Variants in WNK3 observed in about 807,000 individuals in gnomAD.
WNK3 encodes WNK lysine deficient protein kinase 3, also known as serine/threonine-protein kinase WNK3.
Under a neutral mutation model 116.7 loss-of-function variants are expected in WNK3, and 18 were observed. That is an observed-to-expected ratio of 0.15 (90% CI 0.11 to 0.23). WNK3 has a LOEUF of 0.23. Ranked by LOEUF, WNK3 falls within the 10% of genes least tolerant of loss-of-function variation. WNK3 has a pLI of 1.00. For missense variants in WNK3, 993 were observed against 1,323.8 expected, an observed-to-expected ratio of 0.75 and a Z score of 3.88; for synonymous variants, 404 against 469.4, an observed-to-expected ratio of 0.86 and a Z score of 1.80.
intron 2 of WNK3, among the ~76,000 whole-genome samples, chrX:54,321,356 C>A (rs974737829): frequency 2.7e-5 from 3 of 111,712 alleles, no homozygotes; most frequent in African/African-American, 9.8e-5. Context: ...AGGTACCTAA[C>A]TGGCACAGGC....
chrX:54,311,282 A>G, exon 3 of WNK3: 2 of 1,203,813 alleles, frequency 1.7e-6, no homozygotes, highest in Non-Finnish European at 2.2e-6. Context: ...GCTTTGGTTA[A>G]CTTTCGGTCC....
chrX:54,318,472 C>G (rs2147205654), intron 2 of WNK3, among the ~76,000 whole-genome samples: 1 of 110,748 alleles, frequency 9.0e-6, no homozygotes, highest in African/African-American at 3.3e-5. Context: ...TGGTTCACAT[C>G]TGTAATCCCA....
chrX:54,253,132 G>A (rs1422450254), intron 13 of WNK3, among the ~76,000 whole-genome samples: 4 of 106,346 alleles, frequency 3.8e-5, no homozygotes, highest in African/African-American at 6.9e-5. Context: ...TACCTACATC[G>A]AAATATCTCA....
At chrX:54,282,509 T>C (rs1557162740) in intron 10 of WNK3, among the ~76,000 whole-genome samples, 1 of 111,677 alleles carries the variant, frequency 9.0e-6, no homozygotes, top group Non-Finnish European at 1.9e-5. Flanking sequence ...GAGACAATAC[T>C]ACCCAAGCAA....
exon 24 of WNK3, chrX:54,198,601 T>C: frequency 8.3e-7 from 1 of 1,210,132 alleles, no homozygotes; most frequent in Non-Finnish European, 1.1e-6. Context: ...TCCACGGATT[T>C]GGGACAGAGA....
At chrX:54,354,375 A>G (rs1557179018) in intron 1 of WNK3, among the ~76,000 whole-genome samples, 1 of 112,235 alleles carries the variant, frequency 8.9e-6, no homozygotes, top group Non-Finnish European at 1.9e-5. Flanking sequence ...TTTGGCCAAG[A>G]GACAAAATCG....
In WNK3 at chrX:54,238,479, G is replaced by A. The variant is rs186846679; in HGVS notation, c.3884-7C>T. ...CTCATCTCTTCTGTTTCCACTGCAA[G>A]TTTTGCCAAATTGTAAGTAAAAAAG... On this transcript the variant is annotated splice_region_variant and splice_polypyrimidine_tract_variant and intron_variant, in intron 18 of 23. Coordinates refer to ENST00000354646, the Ensembl canonical transcript of WNK3. 4 of 1,195,676 alleles carry A rather than the reference G, an allele frequency of 3.3e-6. No individual in the cohort carries two copies. The African/African-American group carries it at 7.1e-5, about 21-fold the overall frequency.
Position 54,198,623 on chromosome X carries a change from T to A in WNK3, c.5104A>T (p.Thr1702Ser), listed in dbSNP as rs781802718. Residue 1702 changes from threonine to serine, a missense_variant, in exon 24 of 24, where the codon ACA becomes TCA. Coordinates refer to ENST00000354646, the Ensembl canonical transcript of WNK3. ...ATTTGGGACAGAGAAGAAATCCATGTTGATGTGTAGCCCATAGTAGACGGA... is the reference window on the plus strand; with the variant it reads ...ATTTGGGACAGAGAAGAAATCCATGATGATGTGTAGCCCATAGTAGACGGA... 1.2e-5 allele frequency: 15 copies of A among 1,205,525 alleles called. No individual in the cohort carries two copies. In the South Asian group the frequency reaches 2.5e-4, roughly 20 times the overall value.
chrX:54,317,632 T>C (rs1401413507), intron 2 of WNK3, among the ~76,000 whole-genome samples: 1 of 109,351 alleles, frequency 9.1e-6, no homozygotes, highest in Non-Finnish European at 1.9e-5. Flanking sequence ...AGTTAAATTT[T>C]TTTTTTCTTT....
intron 6 of WNK3, among the ~76,000 whole-genome samples, 174 bp downstream of exon 6, chrX:54,301,597 T>C (rs1557167483): frequency 9.0e-6 from 1 of 111,479 alleles, no homozygotes; most frequent in Non-Finnish European, 1.9e-5. Context: ...CAGCACATGA[T>C]ATCCAAGTCT....
In WNK3 at chrX:54,316,375, C is replaced by T. The variant is rs970424993; in HGVS notation, c.538-5084G>A. Among the ~76,000 whole-genome samples, 4 of 109,349 alleles carry T rather than the reference C, an allele frequency of 3.7e-5. No individual in the cohort carries two copies. The East Asian group carries it at 1.2e-3, about 31-fold the overall frequency. 95.0% of individuals were successfully genotyped at this position (109,349 alleles called of 115,157 possible). ...CCAACATGTTGGAACCCCGTCTCTA[C>T]TAAAAATATAAAGAAGTAGCCAGGC... On this transcript the variant is annotated intron_variant, in intron 2 of 23. Transcript: ENST00000354646.
intron 10 of WNK3, among the ~76,000 whole-genome samples, chrX:54,270,171 T>C (rs2068363472): frequency 9.0e-6 from 1 of 110,794 alleles, no homozygotes. Context: ...AACAGCGTGA[T>C]CCCGGCTCCC....
At chrX:54,308,168 G>T in intron 4 of WNK3, 89 bp from the exon 5 acceptor site, 3 of 809,476 alleles carry the variant, frequency 3.7e-6, no homozygotes, top group Non-Finnish European at 3.4e-6. Flanking sequence ...GATTATCTGT[G>T]TTAATTTCTA....
exon 17 of WNK3, chrX:54,249,091 G>A (rs2068101477): frequency 8.3e-7 from 1 of 1,210,258 alleles, no homozygotes; most frequent in Non-Finnish European, 1.1e-6. Flanking sequence ...GGGTTGAAGG[G>A]TAGTTGGTTC....
At chrX:54,216,237 A>T (rs1274075011) in intron 22 of WNK3, among the ~76,000 whole-genome samples, 1 of 107,688 alleles carries the variant, frequency 9.3e-6, no homozygotes, top group African/African-American at 3.4e-5. Context: ...TTGTCCTATG[A>T]CCCTGCCAAA....
chrX:54,201,267 AATTAT>A (rs1184129580), intron 23 of WNK3, among the ~76,000 whole-genome samples: 4 of 111,783 alleles, frequency 3.6e-5, no homozygotes, highest in Non-Finnish European at 7.5e-5. Flanking sequence ...ATTTTGCATA[AATTAT>A]ATTATACTAT....
Position 54,233,700 on chromosome X carries a change from C to T in WNK3, c.4629-680G>A, listed in dbSNP as rs188776727. On this transcript the variant is annotated intron_variant, in intron 20 of 23. Transcript: ENST00000354646. ...AATAATATTAACATTTTTTGCCAGACGCAGTGGCTCATGCCTGTAATCCCA... is the reference window on the plus strand; with the variant it reads ...AATAATATTAACATTTTTTGCCAGATGCAGTGGCTCATGCCTGTAATCCCA... 2.8e-3 allele frequency among the ~76,000 whole-genome samples: 303 copies of T among 109,107 alleles called. 2 individuals carry two copies. Among genetic ancestry groups the T allele is most frequent in the African/African-American group, 9.7e-3 (292 of 29,950 alleles). 94.7% of individuals were successfully genotyped at this position (109,107 alleles called of 115,157 possible). A position where few individuals can be genotyped will look rare whatever the true frequency, so the allele number is the denominator to read the frequency against.
At chrX:54,343,690 C>G (rs1462794155) in intron 1 of WNK3, 1 of 109,924 alleles carries the variant, frequency 9.1e-6, no homozygotes, top group African/African-American at 3.3e-5. Context: ...GAGACAGGGT[C>G]TCACTCTGTC....
intron 10 of WNK3, among the ~76,000 whole-genome samples, chrX:54,277,530 G>GTTTCA (rs1295086699): frequency 9.2e-6 from 1 of 109,195 alleles, no homozygotes; most frequent in African/African-American, 3.3e-5. Context: ...TAGAGACGGG[G>GTTTCA]TTTCACCATG....
Sources: gnomAD v4.1 joint callset for allele counts (sites outside exome capture counted in the v4.1 genomes callset) on GRCh38, gnomAD v4.1.1 for gene constraint, MANE v1.5 for transcripts, NCBI Gene and HGNC (gene_info 2026-07-23, HGNC 2026-07-21) for gene names.